The following SUSD1 variants were observed in gnomAD, a reference collection of about 807,000 sequenced individuals.
The protein encoded by SUSD1 is sushi domain containing 1, also known as sushi domain-containing protein 1.
Under a neutral mutation model 86.9 loss-of-function variants are expected in SUSD1, and 65 were observed. The observed-to-expected ratio is 0.75, with a 90% CI of 0.61 to 0.92. SUSD1 has a LOEUF of 0.92. SUSD1 is among the 40% of genes least tolerant of loss of function. SUSD1 has a pLI of 0.00. For synonymous variants in SUSD1, 346 were observed against 350.0 expected (o/e 0.99, Z 0.13); for missense variants, 850 against 929.7 (o/e 0.91, Z 1.11).
chr9:112,097,963 G>C (rs1170501570), intron 10 of SUSD1, among the ~76,000 whole-genome samples: 1 of 152,166 alleles, frequency 6.6e-6, no homozygotes, highest in Non-Finnish European at 1.5e-5. Flanking sequence ...CACCTATGTG[G>C]CTTCCTCAAA....
chr9:112,063,475 G>T (rs555542568), intron 12 of SUSD1, among the ~76,000 whole-genome samples: 1 of 152,334 alleles, frequency 6.6e-6, no homozygotes, highest in South Asian at 2.1e-4. Flanking sequence ...AAAAAGAAGT[G>T]ATGAGTATAT....
At chr9:112,064,046 T>TG (rs58850509) in intron 12 of SUSD1, among the ~76,000 whole-genome samples, 7,461 of 77,968 alleles carry the variant, frequency 0.096, 537 homozygotes, top group African/African-American at 0.23. Flanking sequence ...TTTCTTTTTT[T>TG]GGGGGGGGGG....
At chr9:112,091,947 T>C (rs1236820386) in intron 10 of SUSD1, among the ~76,000 whole-genome samples, 1 of 152,194 alleles carries the variant, frequency 6.6e-6, no homozygotes, top group Admixed American at 6.5e-5. Context: ...CACCCATTCA[T>C]TGGCAGAGCA....
In SUSD1 at chr9:112,142,961, C is replaced by CTTTTTTTT. The variant is rs529470594; in HGVS notation, c.527-470_527-463dup. Among the ~76,000 whole-genome samples the CTTTTTTTT allele has an allele frequency of 6.0e-4, 18 of 30,216 alleles. 5 individuals are homozygous for CTTTTTTTT. The highest frequency in any genetic ancestry group is 1.2e-3 in the Non-Finnish European group (17 of 14,306). 19.8% of individuals were successfully genotyped at this position (30,216 alleles called of 152,430 possible). ...AATCCTTTAAGTTTATGAATTTTAG[C>CTTTTTTTT]TTTTTTTTTTTTTTTTTTTTTTTTT... is the stretch of plus-strand genomic sequence containing the variant. On this transcript the variant is annotated intron_variant, in intron 4 of 16. Coordinates refer to ENST00000374270, the MANE Select transcript of SUSD1 (RefSeq NM_022486.5).
intron 10 of SUSD1, among the ~76,000 whole-genome samples, chr9:112,080,690 GA>G (rs56022766): frequency 4.2e-4 from 51 of 122,118 alleles, no homozygotes; most frequent in Middle Eastern, 8.6e-3. Context: ...TCTGTCTCAA[GA>G]AAAAAAAAAA....
At chr9:112,162,154 C>T (rs577720795) in intron 1 of SUSD1, among the ~76,000 whole-genome samples, 4 of 152,172 alleles carry the variant, frequency 2.6e-5, no homozygotes, top group Non-Finnish European at 4.4e-5. Flanking sequence ...CATGAAACAA[C>T]TGCCTAATGC....
intron 12 of SUSD1, among the ~76,000 whole-genome samples, chr9:112,078,212 G>A (rs1244057497): frequency 6.6e-6 from 1 of 152,130 alleles, no homozygotes; most frequent in Non-Finnish European, 1.5e-5. Flanking sequence ...AGGCATGGTG[G>A]CCTATACAAC....
At chr9:112,129,030 T>C (rs1206492917) in intron 5 of SUSD1, among the ~76,000 whole-genome samples, 1 of 152,054 alleles carries the variant, frequency 6.6e-6, no homozygotes, top group East Asian at 1.9e-4. Flanking sequence ...ACTTTGGCTG[T>C]TAGGTAGAGA....
intron 5 of SUSD1, among the ~76,000 whole-genome samples, chr9:112,130,641 A>AAG (rs1017834074): frequency 6.6e-6 from 1 of 151,908 alleles, no homozygotes; most frequent in Non-Finnish European, 1.5e-5. Context: ...AAAAGGAAGA[A>AAG]AGAGAGAGAG....
intron 10 of SUSD1, among the ~76,000 whole-genome samples, chr9:112,088,876 G>A (rs995641863): frequency 2.0e-5 from 3 of 152,152 alleles, no homozygotes; most frequent in African/African-American, 7.2e-5. Context: ...GAGGCCAAAG[G>A]TGGGAGGATC....
chr9:112,168,680 C>A (rs115814967), intron 1 of SUSD1, among the ~76,000 whole-genome samples: 1,680 of 152,252 alleles, frequency 0.011, 36 homozygotes, highest in African/African-American at 0.038. Flanking sequence ...GCAGGCCAAG[C>A]ACAATGGCTC....
chr9:112,173,538 G>C (rs896584940), intron 1 of SUSD1: 4 of 303,718 alleles, frequency 1.3e-5, no homozygotes, highest in Non-Finnish European at 2.6e-5. Flanking sequence ...TGAAGGCTTT[G>C]TAGGGGCCTG....
intron 6 of SUSD1, among the ~76,000 whole-genome samples, chr9:112,116,795 G>C (rs1831343598): frequency 6.6e-6 from 1 of 152,172 alleles, no homozygotes; most frequent in Admixed American, 6.5e-5. Context: ...CAGGAGGCTG[G>C]TAGAGTGACT....
intron 10 of SUSD1, among the ~76,000 whole-genome samples, chr9:112,084,365 G>A (rs1429950827): frequency 6.6e-6 from 1 of 152,090 alleles, no homozygotes; most frequent in Non-Finnish European, 1.5e-5. Flanking sequence ...TATGTCTACA[G>A]GATATTGTAA....
At chr9:112,170,710 T>TCTAGAG (rs1554778940) in intron 1 of SUSD1, among the ~76,000 whole-genome samples, 1 of 113,794 alleles carries the variant, frequency 8.8e-6, no homozygotes, top group African/African-American at 3.8e-5. Context: ...TATATATATA[T>TCTAGAG]AGAGAGAGAG....
At chr9:112,047,787 G>A (rs1828020962) in intron 15 of SUSD1, among the ~76,000 whole-genome samples, 1 of 152,080 alleles carries the variant, frequency 6.6e-6, no homozygotes, top group African/African-American at 2.4e-5. Flanking sequence ...TATACCTGCT[G>A]GCTTTTCCAC....
intron 6 of SUSD1, among the ~76,000 whole-genome samples, chr9:112,114,942 C>T (rs1024959706): frequency 3.3e-5 from 5 of 152,326 alleles, no homozygotes; most frequent in East Asian, 1.9e-4. Flanking sequence ...AGGCATCATA[C>T]GCTGACTCTC....
intron 14 of SUSD1, among the ~76,000 whole-genome samples, chr9:112,056,189 C>G (rs1273474904): frequency 6.6e-6 from 1 of 152,058 alleles, no homozygotes; most frequent in African/African-American, 2.4e-5. Context: ...ATTGTTTGAG[C>G]CCCGGGGGTT....
chr9:112,076,604 G>T (rs1829525941), intron 12 of SUSD1, among the ~76,000 whole-genome samples: 1 of 152,150 alleles, frequency 6.6e-6, no homozygotes, highest in Admixed American at 6.5e-5. Flanking sequence ...GGTGGATATA[G>T]GAGTCTGGTG....
Sources: gnomAD v4.1 joint callset for allele counts (sites outside exome capture counted in the v4.1 genomes callset) on GRCh38, gnomAD v4.1.1 for gene constraint, MANE v1.5 for transcripts, NCBI Gene and HGNC (gene_info 2026-07-23, HGNC 2026-07-21) for gene names.